Variants in FHIT observed in about 807,000 individuals in gnomAD.
The protein encoded by FHIT is bis(5'-adenosyl)-triphosphatase.
In FHIT, 19 loss-of-function variants were observed where a neutral mutation model predicts 17.9. The observed-to-expected ratio is 1.06, with a 90% CI of 0.74 to 1.56. The LOEUF (loss-of-function observed/expected upper bound fraction) is 1.56, where lower values mean the gene tolerates loss of function less well. Ranked by LOEUF, FHIT falls within the 40% of genes most tolerant of loss-of-function variation. The pLI, the probability that FHIT is intolerant of heterozygous loss-of-function variation, is 0.00. For synonymous variants in FHIT, 81 were observed against 69.7 expected (o/e 1.16, Z -0.81); for missense variants, 248 against 189.2 (o/e 1.31, Z -1.82).
At chr3:61,074,131 AAAC>A (rs1254109431) in intron 2 of FHIT, among the ~76,000 whole-genome samples, 1 of 152,180 alleles carries the variant, frequency 6.6e-6, no homozygotes, top group African/African-American at 2.4e-5. Flanking sequence ...GCCAAATGGA[AAAC>A]AAGAGGAAGA....
intron 4 of FHIT, among the ~76,000 whole-genome samples, chr3:60,601,999 G>GA (rs1363980947): frequency 2.6e-5 from 4 of 152,026 alleles, no homozygotes; most frequent in African/African-American, 7.2e-5. Context: ...GAATACCTGA[G>GA]AAAAAAGGCA....
intron 8 of FHIT, among the ~76,000 whole-genome samples, chr3:59,887,496 T>G (rs1482452552): frequency 6.6e-6 from 1 of 152,166 alleles, no homozygotes; most frequent in African/African-American, 2.4e-5. Flanking sequence ...AAAAACTGCA[T>G]GTCATGCCAT....
chr3:60,246,791 C>T (rs1705417279), intron 5 of FHIT, among the ~76,000 whole-genome samples: 4 of 152,152 alleles, frequency 2.6e-5, no homozygotes, highest in Admixed American at 2.6e-4. Context: ...ACACAGTCTA[C>T]AATCCTCTCT....
intron 5 of FHIT, among the ~76,000 whole-genome samples, chr3:60,518,341 T>C (rs1377579749): frequency 6.6e-6 from 1 of 152,206 alleles, no homozygotes; most frequent in Non-Finnish European, 1.5e-5. Context: ...CATAGGTAAC[T>C]TATTGATAAA....
chr3:60,790,255 G>A (rs1299640349), intron 4 of FHIT, among the ~76,000 whole-genome samples: 2 of 152,150 alleles, frequency 1.3e-5, no homozygotes, highest in Non-Finnish European at 2.9e-5. Flanking sequence ...CAAAAGTAAG[G>A]AAAGCGGAAT....
rs546466573 is a variant in FHIT, at chr3:60,630,826, T to C, written c.-17-93847A>G. Among the ~76,000 whole-genome samples, 10 of 152,104 alleles carry C rather than the reference T, an allele frequency of 6.6e-5. 1 individual carries two copies. The highest frequency in any genetic ancestry group is 6.2e-4 in the South Asian group (3 of 4,810). ...ACAGAGTAATTAAATCACTGGTTAA[T>C]TGATGAATTCAATTAAATCAATGTC... On this transcript the variant is annotated intron_variant, in intron 4 of 9. Coordinates refer to ENST00000492590, the MANE Select transcript of FHIT (RefSeq NM_002012.4).
intron 5 of FHIT, among the ~76,000 whole-genome samples, chr3:60,275,554 C>G (rs213349): frequency 0.95 from 144,510 of 152,268 alleles, 68,596 homozygotes; most frequent in East Asian, 1. Flanking sequence ...CTTGTGGAAA[C>G]TTGACAGTAG....
rs147176252 is a variant in FHIT, at chr3:60,483,863, G to A, written c.103+52997C>T. Among the ~76,000 whole-genome samples the A allele has an allele frequency of 1.5e-3, 228 of 152,062 alleles. 2 individuals carry two copies. The highest frequency in any genetic ancestry group is 4.1e-3 in the East Asian group (21 of 5,176). On this transcript the variant is annotated intron_variant, in intron 5 of 9. Coordinates refer to ENST00000492590, the MANE Select transcript of FHIT (RefSeq NM_002012.4). ...CAAGAGAAAGAAATAAAGAGTATTC[G>A]CATAGGAAGAGAGGAAGTTAAATTG...
chr3:60,431,231 A>C (rs775089623), intron 5 of FHIT, among the ~76,000 whole-genome samples: 5 of 147,770 alleles, frequency 3.4e-5, no homozygotes, highest in Non-Finnish European at 6.0e-5. Flanking sequence ...AAAAAAAAAG[A>C]ATGACCATTA....
intron 3 of FHIT, among the ~76,000 whole-genome samples, chr3:60,826,277 G>T (rs1553740984): frequency 6.6e-6 from 1 of 151,880 alleles, no homozygotes; most frequent in African/African-American, 2.4e-5. Flanking sequence ...CATAGATGGG[G>T]ATAGATGAGG....
intron 8 of FHIT, among the ~76,000 whole-genome samples, chr3:59,820,891 CAGAAG>C (rs1700762721): frequency 6.6e-6 from 1 of 152,180 alleles, no homozygotes; most frequent in South Asian, 2.1e-4. Context: ...GTATGAGAAA[CAGAAG>C]TTACCAGTTT....
intron 5 of FHIT, among the ~76,000 whole-genome samples, chr3:60,134,384 T>A (rs1699720219): frequency 6.6e-6 from 1 of 152,216 alleles, no homozygotes; most frequent in Non-Finnish European, 1.5e-5. Flanking sequence ...TTGTTCACAT[T>A]TATTCCCTAT....
At chr3:60,909,163 G>A (rs2107260696) in intron 3 of FHIT, among the ~76,000 whole-genome samples, 1 of 152,176 alleles carries the variant, frequency 6.6e-6, no homozygotes. Context: ...GAGGTCAGGA[G>A]ATCGAGACCA....
chr3:61,216,112 G>T (rs1313507605), intron 1 of FHIT, among the ~76,000 whole-genome samples: 1 of 152,074 alleles, frequency 6.6e-6, no homozygotes, highest in Non-Finnish European at 1.5e-5. Context: ...AACACCAAAA[G>T]CAATGGCAAC....
At chr3:60,328,502 T>C (rs1709810350) in intron 5 of FHIT, among the ~76,000 whole-genome samples, 1 of 152,126 alleles carries the variant, frequency 6.6e-6, no homozygotes, top group African/African-American at 2.4e-5. Context: ...CCATTGGATC[T>C]TGTGAGACTT....
intron 8 of FHIT, among the ~76,000 whole-genome samples, chr3:59,861,136 T>C (rs546700303): frequency 2.2e-4 from 34 of 151,880 alleles, no homozygotes; most frequent in South Asian, 8.3e-4. Flanking sequence ...CACAAGCACA[T>C]AGAGATGAGG....
At chr3:59,961,321 G>C (rs74458678) in intron 7 of FHIT, among the ~76,000 whole-genome samples, 1 of 152,230 alleles carries the variant, frequency 6.6e-6, no homozygotes, top group African/African-American at 2.4e-5. Context: ...CAAGTAATGA[G>C]TTTAATTACT....
chr3:60,947,437 T>A (rs1419653886), intron 3 of FHIT, among the ~76,000 whole-genome samples: 1 of 152,216 alleles, frequency 6.6e-6, no homozygotes, highest in African/African-American at 2.4e-5. Flanking sequence ...AAGGAAAATG[T>A]AACATTTGAA....
intron 5 of FHIT, among the ~76,000 whole-genome samples, chr3:60,151,498 G>A (rs1331604690): frequency 2.6e-5 from 4 of 152,094 alleles, no homozygotes; most frequent in African/African-American, 9.7e-5. Flanking sequence ...ATAAACAGAT[G>A]AGATCACAGC....
Sources: allele counts gnomAD v4.1 joint callset (sites outside exome capture counted in the v4.1 genomes callset), GRCh38; gene constraint gnomAD v4.1.1; transcripts MANE v1.5; gene names NCBI Gene and HGNC (gene_info 2026-07-23, HGNC 2026-07-21).